The following DMBX1 variants were observed in gnomAD, a reference collection of about 807,000 sequenced individuals.
DMBX1 encodes diencephalon/mesencephalon homeobox protein 1.
Under a neutral mutation model 30.4 loss-of-function variants are expected in DMBX1, and 7 were observed. The observed-to-expected ratio is 0.23, with a 90% CI of 0.13 to 0.43. DMBX1 has a LOEUF of 0.43. Among genes scored for constraint, DMBX1 ranks in the 20% least tolerant of loss-of-function variants. The pLI, the probability that DMBX1 is intolerant of heterozygous loss-of-function variation, is 1.00. For missense variants in DMBX1, 460 were observed against 508.5 expected, an observed-to-expected ratio of 0.90 and a Z score of 0.92; for synonymous variants, 222 against 214.2, an observed-to-expected ratio of 1.04 and a Z score of -0.32.
chr1:46,506,540 G>T (rs1371382045), intron 2 of DMBX1, among the ~76,000 whole-genome samples: 1 of 152,220 alleles, frequency 6.6e-6, no homozygotes, highest in Non-Finnish European at 1.5e-5. Flanking sequence ...AGCAGCAAAT[G>T]AATTTGTAAA....
chr1:46,510,573 C>T lies in DMBX1; in HGVS notation c.252C>T (p.Thr84=), dbSNP rs745388358. The change falls in exon 4 of 6, where the codon ACC becomes ACT. Residue 84 remains threonine, a synonymous_variant. Coordinates refer to ENST00000360032, the MANE Select transcript of DMBX1 (RefSeq NM_172225.2). The surrounding 1 kb of genome is among the most constrained non-coding windows in gnomAD (Gnocchi z 4.1). ...AGCAGCTCGAGGCCCTGGAAAAGAC[C>T]TTCCAGAAGACTCACTACCCAGATG... ...TAQQLEALEK[T]FQKTHYPDVV... 1 of 1,614,186 alleles carries T rather than the reference C, an allele frequency of 6.2e-7. No individual in the cohort carries two copies. The highest frequency in any genetic ancestry group is 8.5e-7 in the Non-Finnish European group (1 of 1,180,036).
chr1:46,510,839 G>T lies in DMBX1; in HGVS notation c.334-96G>T, dbSNP rs1666351508. The T allele has an allele frequency of 7.3e-7, 1 of 1,372,386 alleles. No individual in the cohort carries two copies. The highest frequency in any genetic ancestry group is 2.5e-5 in the Admixed American group (1 of 40,138). The allele number at this position is 1,372,386 out of a possible 1,614,324, so 85.0% of individuals were successfully genotyped here. A position where few individuals can be genotyped will look rare whatever the true frequency, so the allele number is the denominator to read the frequency against. ...GTGTGCATTCCCTAGAGGGGTGGGG[G>T]GATGTTATCACGTACATCCTCTCCC... is the stretch of plus-strand genomic sequence containing the variant. On this transcript the variant is annotated intron_variant, in intron 4 of 5. Coordinates refer to ENST00000360032, the MANE Select transcript of DMBX1 (RefSeq NM_172225.2). The surrounding 1 kb of genome is among the most constrained non-coding windows in gnomAD (Gnocchi z 4.1).
chr1:46,503,213 C>T (rs1666170286), intron 2 of DMBX1, among the ~76,000 whole-genome samples: 1 of 152,258 alleles, frequency 6.6e-6, no homozygotes, highest in South Asian at 2.1e-4. Flanking sequence ...CTCCACATGG[C>T]TGACTTCAAG....
rs886863747 is a variant in DMBX1, at chr1:46,516,000, C to T, written c.*3506C>T. Among the ~76,000 whole-genome samples, 19 of 152,170 alleles carry T rather than the reference C, an allele frequency of 1.2e-4. No individual in the cohort carries two copies. Among genetic ancestry groups the T allele is most frequent in the South Asian group, 2.1e-4 (1 of 4,834 alleles). On this transcript the variant is annotated 3_prime_UTR_variant, in exon 6 of 6. Coordinates refer to ENST00000360032, the MANE Select transcript of DMBX1 (RefSeq NM_172225.2). ...TTTGTGACCATTTGTGCTTAGAGGT[C>T]GTGCCAGCCCATGGCAAAGACACTG...
intron 2 of DMBX1, among the ~76,000 whole-genome samples, chr1:46,496,421 A>G (rs1666025540): frequency 6.6e-6 from 1 of 152,204 alleles, no homozygotes; most frequent in South Asian, 2.1e-4. Context: ...CCCATTCCCA[A>G]GCAGGCCAGC....
rs2148480381 is a variant in DMBX1, at chr1:46,493,107, A to AC, written c.-13+2328dup. On this transcript the variant is annotated intron_variant, in intron 2 of 5. Transcript: ENST00000360032. This position sits in a 1 kb window ranked among gnomAD's most constrained non-coding sequence, Gnocchi z 4.1. ...GCCTTCCCATTTCGCCCCCCACCCC[A>AC]CCCCTTTCTCACAGTCCCGCTCGGC... Among the ~76,000 whole-genome samples the AC allele has an allele frequency of 6.8e-6, 1 of 147,372 alleles. No individual in the cohort carries two copies. Among genetic ancestry groups the AC allele is most frequent in the East Asian group, 2.0e-4 (1 of 5,068 alleles).
intron 2 of DMBX1, among the ~76,000 whole-genome samples, chr1:46,498,464 C>CT (rs1237701644): frequency 1.3e-5 from 2 of 151,604 alleles, no homozygotes; most frequent in Admixed American, 6.6e-5. Context: ...TCTCTCCTTG[C>CT]TTTTTTTTTC....
At position 46,515,219 on chromosome 1, in the gene DMBX1, A is replaced by G. The variant is rs1041898957; in HGVS notation, c.*2725A>G. Among the ~76,000 whole-genome samples, 1 of 152,310 alleles carries G rather than the reference A, an allele frequency of 6.6e-6. No individual in the cohort carries two copies. Among genetic ancestry groups the G allele is most frequent in the Non-Finnish European group, 1.5e-5 (1 of 68,018 alleles). On this transcript the variant is annotated 3_prime_UTR_variant, in exon 6 of 6. Transcript: ENST00000360032. ...GGAGGGATTTTGTGGCCAATAGCCC[A>G]TCAACTGTCCTCTGGGATTAGCCCC...
intron 3 of DMBX1, among the ~76,000 whole-genome samples, chr1:46,507,837 G>A (rs1316392052): frequency 6.6e-6 from 1 of 152,148 alleles, no homozygotes; most frequent in Non-Finnish European, 1.5e-5. Flanking sequence ...TTTATAAAAA[G>A]GAGACAATGG....
rs183045832 is a variant in DMBX1, at chr1:46,510,794, A to T, written c.333+140A>T. 5.5e-4 allele frequency: 746 copies of T among 1,345,984 alleles called. 6 individuals are homozygous for T. In the African/African-American group the frequency reaches 9.5e-3, roughly 17 times the overall value. 83.4% of individuals were successfully genotyped at this position (1,345,984 alleles called of 1,614,324 possible). On this transcript the variant is annotated intron_variant, in intron 4 of 5. Transcript: ENST00000360032. This position sits in a 1 kb window ranked among gnomAD's most constrained non-coding sequence, Gnocchi z 4.1. ...TCAAAGCCTTCAGTGATAGGAGGGG[A>T]GTTTGGGAAGGGACAGAGGGTGTGC...
intron 2 of DMBX1, among the ~76,000 whole-genome samples, chr1:46,495,023 T>C (rs1035653872): frequency 8.5e-5 from 13 of 152,172 alleles, no homozygotes; most frequent in Non-Finnish European, 1.6e-4. Context: ...GTCACAGCTG[T>C]GGCCAGAAGG....
rs140704174 is a variant in DMBX1 at position 46,507,138 on chromosome 1, C to T, written c.128C>T (p.Ala43Val). Reference sequence around the variant, plus strand: ...CCCGACTACCGGCCTTCAGTGCATGCGCTTACATTGGCTGAGCGCCTGGCT... The same window carrying T: ...CCCGACTACCGGCCTTCAGTGCATGTGCTTACATTGGCTGAGCGCCTGGCT... ...HAPDYRPSVHALTLAERLADI... is the reference protein window; with the variant it reads ...HAPDYRPSVHVLTLAERLADI... Residue 43 changes from alanine (A) to valine (V), a missense_variant, in exon 3 of 6, where the codon GCG becomes GTG. Physicochemically the swap from Ala to Val is moderately conservative, Grantham distance 64. Coordinates refer to ENST00000360032, the MANE Select transcript of DMBX1 (RefSeq NM_172225.2). 6.2e-6 allele frequency: 10 copies of T among 1,614,084 alleles called. No homozygotes were observed. The highest frequency in any genetic ancestry group is 2.7e-5 in the African/African-American group (2 of 74,938).
intron 2 of DMBX1, among the ~76,000 whole-genome samples, chr1:46,499,843 A>G (rs1666090739): frequency 6.6e-6 from 1 of 152,182 alleles, no homozygotes; most frequent in African/African-American, 2.4e-5. Flanking sequence ...AAGAAAATAC[A>G]TGGAAGGTGC....
rs1201167044 is a variant in DMBX1, at chr1:46,512,422, A to G, written c.1062A>G (p.Thr354=). The change falls in exon 6 of 6, where the codon ACA becomes ACG. Residue 354 remains threonine, a synonymous_variant. Coordinates refer to ENST00000360032, the MANE Select transcript of DMBX1 (RefSeq NM_172225.2). This position sits in a 1 kb window ranked among gnomAD's most constrained non-coding sequence, Gnocchi z 4.8. ...PASATLNSKT[T]SIENLRLRAK... ...CAGCTACCCTGAACAGTAAAACCAC[A>G]AGCATCGAGAACCTGCGGCTCCGGG... The G allele has an allele frequency of 7.4e-6, 12 of 1,613,690 alleles. No homozygotes were observed. Among genetic ancestry groups the G allele is most frequent in the African/African-American group, 2.7e-5 (2 of 74,866 alleles).
chr1:46,498,857 A>G (rs953087920), intron 2 of DMBX1, among the ~76,000 whole-genome samples: 1 of 152,152 alleles, frequency 6.6e-6, no homozygotes, highest in African/African-American at 2.4e-5. Flanking sequence ...GGGTCCCTCT[A>G]TGGCCTCAGA....
At position 46,511,024 on chromosome 1, in the gene DMBX1, C is replaced by T; in HGVS notation, c.423C>T (p.Gly141=). Residue 141 remains glycine, a synonymous_variant, in exon 5 of 6, where the codon GGC becomes GGT. Coordinates refer to ENST00000360032, the MANE Select transcript of DMBX1 (RefSeq NM_172225.2). ...TCCAGAAGCAGAAGGAGGCTGAGGG[C>T]TCCCATGGGGAAGGCAAGGCCGAGG... ...EQLQKQKEAE[G]SHGEGKAEAP... 6.2e-7 allele frequency: 1 copy of T among 1,614,116 alleles called. No individual in the cohort carries two copies. The highest frequency in any genetic ancestry group is 8.5e-7 in the Non-Finnish European group (1 of 1,180,006).
At chr1:46,497,120 A>T (rs1666039173) in intron 2 of DMBX1, among the ~76,000 whole-genome samples, 1 of 152,140 alleles carries the variant, frequency 6.6e-6, no homozygotes. Context: ...TAAATACCAG[A>T]TAGCTCTTCA....
At chr1:46,500,067 A>T (rs1479575958) in intron 2 of DMBX1, among the ~76,000 whole-genome samples, 1 of 152,114 alleles carries the variant, frequency 6.6e-6, no homozygotes, top group Non-Finnish European at 1.5e-5. Context: ...AGAATTTGTT[A>T]GGGGAAGGGA....
In DMBX1 at chr1:46,511,204, G is replaced by A; in HGVS notation, c.603G>A (p.Gly201=). 1.2e-6 allele frequency: 2 copies of A among 1,613,388 alleles called. No individual in the cohort carries two copies. Among genetic ancestry groups the A allele is most frequent in the Non-Finnish European group, 1.7e-6 (2 of 1,179,948 alleles). ...ACCGTGAGGAGGACCCCAGGGCAGG[G>A]GCTGAGGACCCCAAAGCTGAGAAGA... ...QPDREEDPRA[G]AEDPKAEKSP... The change falls in exon 5 of 6, where the codon GGG becomes GGA. Residue 201 remains glycine, a synonymous_variant. Transcript: ENST00000360032.
Sources: allele counts gnomAD v4.1 joint callset (sites outside exome capture counted in the v4.1 genomes callset), GRCh38; gene constraint gnomAD v4.1.1; non-coding constraint Gnocchi (gnomAD v3.1); transcripts MANE v1.5; gene names NCBI Gene and HGNC (gene_info 2026-07-23, HGNC 2026-07-21).